The following FANCA variants were observed in gnomAD, a reference collection of about 807,000 sequenced individuals.
FANCA encodes FA complementation group A, also known as Fanconi anemia group A protein.
FANCA carries 236 observed loss-of-function variants against 194.3 expected under a neutral mutation model. The observed-to-expected ratio is 1.21, with a 90% CI of 1.09 to 1.35. The LOEUF is 1.35. Ranked by LOEUF, FANCA falls within the 40% of genes most tolerant of loss-of-function variation. The pLI, the probability that FANCA is intolerant of heterozygous loss-of-function variation, is 0.00. For missense variants in FANCA, 2,628 were observed against 1,813.9 expected (o/e 1.45, Z -8.15); for synonymous variants, 1,014 against 715.8 (o/e 1.42, Z -6.65).
chr16:89,814,950 A>G (rs970648226), intron 2 of FANCA, among the ~76,000 whole-genome samples: 4 of 152,222 alleles, frequency 2.6e-5, no homozygotes, highest in Non-Finnish European at 5.9e-5. Context: ...CAAAAAAAAT[A>G]AATGAAAATA....
At chr16:89,804,446 G>A (rs959795926) in intron 7 of FANCA, among the ~76,000 whole-genome samples, 6 of 152,138 alleles carry the variant, frequency 3.9e-5, no homozygotes, top group African/African-American at 1.2e-4. Flanking sequence ...CTGTCCTGCC[G>A]CCGTCCAGGA....
chr16:89,812,829 T>C (rs1249516973), intron 3 of FANCA, among the ~76,000 whole-genome samples: 1 of 150,654 alleles, frequency 6.6e-6, no homozygotes, highest in African/African-American at 2.4e-5. Context: ...GGTCAGGAGT[T>C]TGAGACCAGC....
In FANCA at chr16:89,765,102, C is replaced by A. The variant is rs2159116; in HGVS notation, c.2602-36G>T. ...GAGTGACCCGGCCGTTTCTTCATTG[C>A]GCAAGTTTCACTGTGAGTGGCTGAG... is the stretch of plus-strand genomic sequence containing the variant. On this transcript the variant is annotated intron_variant, in intron 27 of 42. Coordinates refer to ENST00000389301, the MANE Select transcript of FANCA (RefSeq NM_000135.4). The A allele has an allele frequency of 0.16, 259,179 of 1,610,760 alleles. 22,894 individuals are homozygous for A. Among genetic ancestry groups the A allele is most frequent in the Middle Eastern group, 0.28 (1,677 of 6,060 alleles).
intron 8 of FANCA, among the ~76,000 whole-genome samples, chr16:89,802,409 T>A (rs1270354907): frequency 1.3e-5 from 2 of 151,814 alleles, no homozygotes; most frequent in Non-Finnish European, 2.9e-5. Context: ...ACCTCAGCTA[T>A]TTTTTTCTTT....
chr16:89,758,802 A>T (rs544194944), intron 29 of FANCA, 97 bp from the exon 30 acceptor site: 2 of 1,569,672 alleles, frequency 1.3e-6, no homozygotes, highest in South Asian at 2.2e-5. Flanking sequence ...GACACACAGC[A>T]CTAGTGAGAG....
At chr16:89,767,034 C>G in intron 27 of FANCA, 107 bp downstream of exon 27, 1 of 909,114 alleles carries the variant, frequency 1.1e-6, no homozygotes, top group Non-Finnish European at 1.8e-6. Context: ...CAGGAGCTGC[C>G]CCTGAGATGG....
In FANCA at chr16:89,795,284, C is replaced by CAATAAATAAATA. The variant is rs71391243; in HGVS notation, c.1006+610_1006+621dup. 7.9e-3 allele frequency among the ~76,000 whole-genome samples: 1,101 copies of CAATAAATAAATA among 140,040 alleles called. 7 individuals carry two copies. The highest frequency in any genetic ancestry group is 0.024 in the East Asian group (110 of 4,602). The allele number at this position is 140,040 out of a possible 152,430, so 91.9% of individuals were successfully genotyped here. On this transcript the variant is annotated intron_variant, in intron 11 of 42. Coordinates refer to ENST00000389301, the MANE Select transcript of FANCA (RefSeq NM_000135.4). ...TGGCAACAGAGCAAGACTCCATCTC[C>CAATAAATAAATA]AATAAATAAATAAATAAATAAATAA...
In FANCA at chr16:89,770,263, CAG is replaced by C. The variant is rs1567618589; in HGVS notation, c.2223-6_2223-5del. ...GAGGGCAGCCCAGGGACCCTGCCTG[CAG>C]AGACAGCCGTGAAACCATCAGTACT... On this transcript the variant is annotated splice_polypyrimidine_tract_variant and splice_region_variant and intron_variant, in intron 24 of 42. Coordinates refer to ENST00000389301, the MANE Select transcript of FANCA (RefSeq NM_000135.4). 1 of 1,568,842 alleles carries C rather than the reference CAG, an allele frequency of 6.4e-7. No individual in the cohort carries two copies.
chr16:89,737,727 T>G lies in FANCA; in HGVS notation c.*874A>C. The G allele has an allele frequency of 6.2e-7, 1 of 1,601,760 alleles. No individual in the cohort carries two copies. On this transcript the variant is annotated 3_prime_UTR_variant, in exon 43 of 43. Coordinates refer to ENST00000389301, the MANE Select transcript of FANCA (RefSeq NM_000135.4). ...TGCAGAAATGTCTTCCCAGCTGTGA[T>G]GGTTTCACATTGTCATCGTCGTCCC...
At chr16:89,746,017 C>A (rs141449962) in intron 35 of FANCA, among the ~76,000 whole-genome samples, 1 of 152,146 alleles carries the variant, frequency 6.6e-6, no homozygotes, top group Admixed American at 6.5e-5. Context: ...CCCTGATGAC[C>A]GAGAAGGAAG....
At chr16:89,790,871 C>A (rs955440375) in intron 14 of FANCA, among the ~76,000 whole-genome samples, 3 of 151,826 alleles carry the variant, frequency 2.0e-5, no homozygotes, top group Non-Finnish European at 2.9e-5. Flanking sequence ...CTTCTGTCAC[C>A]CAGGCTGGCG....
chr16:89,771,405 G>C (rs1449044946), intron 23 of FANCA, among the ~76,000 whole-genome samples: 1 of 151,422 alleles, frequency 6.6e-6, no homozygotes, highest in Non-Finnish European at 1.5e-5. Context: ...GCTGTAGTGA[G>C]CCATGATTGC....
At position 89,739,724 on chromosome 16, in the gene FANCA, G is replaced by A. The variant is rs967318734; in HGVS notation, c.3935-171C>T. ...CAGGTACCTGTCAGCAGCTGGGAGA[G>A]GATGGGGGGGTCGACCTCTTGCAGG... On this transcript the variant is annotated intron_variant, in intron 39 of 42. Coordinates refer to ENST00000389301, the MANE Select transcript of FANCA (RefSeq NM_000135.4). The A allele has an allele frequency of 2.7e-6, 4 of 1,503,314 alleles. No individual in the cohort carries two copies. The South Asian group carries it at 5.1e-5, about 19-fold the overall frequency. 93.1% of individuals were successfully genotyped at this position (1,503,314 alleles called of 1,614,324 possible). A position where few individuals can be genotyped will look rare whatever the true frequency, so the allele number is the denominator to read the frequency against.
chr16:89,806,618 TA>T (rs2040658370), intron 6 of FANCA, among the ~76,000 whole-genome samples: 1 of 152,120 alleles, frequency 6.6e-6, no homozygotes, highest in African/African-American at 2.4e-5. Flanking sequence ...TTAATCCATT[TA>T]ACCCTGAGTG....
rs1226677061 is a variant in FANCA, at chr16:89,746,686, G to A, written c.3411C>T (p.Gly1137=). The change falls in exon 35 of 43, where the codon GGC becomes GGT. Residue 1137 remains glycine (G), a splice_region_variant and synonymous_variant. Transcript: ENST00000389301. ...TQDITAHFFR[G]LLNACLRSRD... ...TGCTCCGCAGACAGGCGTTCAGGAG[G>A]CCCTGCAGGAGAGAACGCAGCAGGA... is the stretch of plus-strand genomic sequence containing the variant. 1.2e-6 allele frequency: 2 copies of A among 1,613,866 alleles called. No homozygotes were observed. The highest frequency in any genetic ancestry group is 3.3e-5 in the Admixed American group (2 of 60,018).
chr16:89,763,549 C>A (rs1271416388), intron 28 of FANCA, among the ~76,000 whole-genome samples: 1 of 152,108 alleles, frequency 6.6e-6, no homozygotes, highest in Non-Finnish European at 1.5e-5. Flanking sequence ...CCAAGGCACA[C>A]TGGTGAGAGC....
At chr16:89,792,813 A>G (rs985045351) in intron 11 of FANCA, 44 of 412,864 alleles carry the variant, frequency 1.1e-4, no homozygotes, top group Non-Finnish European at 1.8e-4. Context: ...GGGCAGGGTA[A>G]AGAGTGTGAG....
chr16:89,778,136 TG>T (rs2039573430), intron 20 of FANCA, among the ~76,000 whole-genome samples: 1 of 115,796 alleles, frequency 8.6e-6, no homozygotes, highest in African/African-American at 3.6e-5. Context: ...CACTCCAGCC[TG>T]GGCAACAGAG....
At chr16:89,805,471 A>ATT in intron 6 of FANCA, 79 bp from the exon 7 acceptor site, 123 of 1,083,882 alleles carry the variant, frequency 1.1e-4, no homozygotes, top group Non-Finnish European at 1.5e-4. Flanking sequence ...ATATGTCCCA[A>ATT]TTTTTTTTTT....
Sources: allele counts gnomAD v4.1 joint callset (sites outside exome capture counted in the v4.1 genomes callset), GRCh38; gene constraint gnomAD v4.1.1; transcripts MANE v1.5; gene names NCBI Gene and HGNC (gene_info 2026-07-23, HGNC 2026-07-21).